PIAS2: variants seen among roughly 807,000 people sequenced by gnomAD.
The protein encoded by PIAS2 is protein inhibitor of activated STAT 2.
Under a neutral mutation model 69.7 loss-of-function variants are expected in PIAS2, and 19 were observed. The observed-to-expected ratio is 0.27, with a 90% CI of 0.19 to 0.40. The LOEUF (loss-of-function observed/expected upper bound fraction) is 0.40, where lower values mean the gene tolerates loss of function less well. PIAS2 is among the 10% of genes least tolerant of loss of function. PIAS2 has a pLI of 1.00. For missense variants in PIAS2, 624 were observed against 757.0 expected (o/e 0.82, Z 2.06); for synonymous variants, 261 against 263.2 (o/e 0.99, Z 0.08).
chr18:46,834,382 A>G (rs916244592), intron 9 of PIAS2, among the ~76,000 whole-genome samples: 2 of 152,234 alleles, frequency 1.3e-5, no homozygotes, highest in Non-Finnish European at 2.9e-5. Flanking sequence ...AGAGAAATTA[A>G]TATCCTCAAT....
At chr18:46,905,601 AAAG>A (rs764973316) in intron 1 of PIAS2, among the ~76,000 whole-genome samples, 36 of 152,268 alleles carry the variant, frequency 2.4e-4, no homozygotes, top group Non-Finnish European at 5.0e-4. Context: ...ATCAAGAAAA[AAAG>A]AAGGCATTTT....
intron 3 of PIAS2, 147 bp from the exon 4 acceptor site, chr18:46,855,762 T>C: frequency 1.5e-6 from 1 of 660,074 alleles, no homozygotes; most frequent in Non-Finnish European, 2.7e-6. Context: ...ATATAAGCCT[T>C]AATGAAATCA....
chr18:46,917,684 CT>C, upstream of PIAS2: 1 of 470,588 alleles, frequency 2.1e-6, no homozygotes, highest in Non-Finnish European at 2.8e-6. Context: ...CAGGTCGTGC[CT>C]TCCCTCCCCG....
intron 2 of PIAS2, among the ~76,000 whole-genome samples, chr18:46,867,917 C>A (rs2049739963): frequency 6.6e-6 from 1 of 152,214 alleles, no homozygotes; most frequent in Non-Finnish European, 1.5e-5. Flanking sequence ...GACACTCATT[C>A]TTGGAACCTA....
At chr18:46,812,734 A>ATGTGACT in intron 13 of PIAS2, 122 bp from the exon 14 acceptor site, 1 of 583,856 alleles carries the variant, frequency 1.7e-6, no homozygotes, top group Non-Finnish European at 3.0e-6. Flanking sequence ...GGGATTTAAA[A>ATGTGACT]ATTGCTCAAA....
At chr18:46,821,696 G>T (rs1261501658) in intron 11 of PIAS2, among the ~76,000 whole-genome samples, 1 of 152,146 alleles carries the variant, frequency 6.6e-6, no homozygotes. Flanking sequence ...TGGCTACCAT[G>T]ATAGCACCTA....
At chr18:46,884,413 C>T (rs1243004012) in intron 2 of PIAS2, among the ~76,000 whole-genome samples, 10 of 151,990 alleles carry the variant, frequency 6.6e-5, no homozygotes, top group African/African-American at 2.4e-4. Flanking sequence ...CCCAGATTCA[C>T]GCCATTCTCC....
At chr18:46,863,258 G>A (rs938857651) in intron 3 of PIAS2, among the ~76,000 whole-genome samples, 2 of 151,998 alleles carry the variant, frequency 1.3e-5, no homozygotes, top group African/African-American at 4.8e-5. Flanking sequence ...CCCCAGTTTG[G>A]AATGATAAAG....
chr18:46,844,711 T>A, intron 7 of PIAS2, 23 bp downstream of exon 7: 1 of 891,192 alleles, frequency 1.1e-6, no homozygotes, highest in Non-Finnish European at 1.6e-6. Flanking sequence ...TTTAAATGCT[T>A]GGTCTTATTA....
intron 2 of PIAS2, among the ~76,000 whole-genome samples, chr18:46,888,281 AAAAG>A (rs2053521280): frequency 6.6e-6 from 1 of 152,126 alleles, no homozygotes; most frequent in African/African-American, 2.4e-5. Flanking sequence ...CCTATGTGGG[AAAAG>A]AAAGACTTAA....
At chr18:46,856,284 G>C (rs1285332210) in intron 3 of PIAS2, among the ~76,000 whole-genome samples, 1 of 151,880 alleles carries the variant, frequency 6.6e-6, no homozygotes, top group African/African-American at 2.4e-5. Flanking sequence ...ACAGGCATGA[G>C]ACACTGCACC....
At chr18:46,862,983 A>G (rs917599652) in intron 3 of PIAS2, among the ~76,000 whole-genome samples, 3 of 152,028 alleles carry the variant, frequency 2.0e-5, no homozygotes, top group African/African-American at 7.2e-5. Flanking sequence ...TGGGATTACA[A>G]GCATGAGCCA....
At chr18:46,819,759 T>C (rs756866084) in intron 12 of PIAS2, among the ~76,000 whole-genome samples, 6 of 152,148 alleles carry the variant, frequency 3.9e-5, no homozygotes, top group Non-Finnish European at 8.8e-5. Flanking sequence ...AAGTCATGAA[T>C]GTACTGGTTC....
Position 46,806,812 on chromosome 18 carries a change from A to C in PIAS2, c.*5621T>G, listed in dbSNP as rs1351039904. ...AAATAAGAGGCATATGCTATTCTAC[A>C]ACACGGTAACACTCTTCGTCACTTA... On this transcript the variant is annotated 3_prime_UTR_variant, in exon 14 of 14. Coordinates refer to ENST00000585916, the MANE Select transcript of PIAS2 (RefSeq NM_004671.5). The C allele has an allele frequency of 1.3e-5, 2 of 152,206 alleles. No homozygotes were observed. Among genetic ancestry groups the C allele is most frequent in the Admixed American group, 6.5e-5 (1 of 15,278 alleles). 9.4% of individuals were successfully genotyped at this position (152,206 alleles called of 1,614,324 possible). A position where few individuals can be genotyped will look rare whatever the true frequency, so the allele number is the denominator to read the frequency against.
chr18:46,881,740 T>C (rs551548209), intron 2 of PIAS2, among the ~76,000 whole-genome samples: 1 of 152,326 alleles, frequency 6.6e-6, no homozygotes, highest in South Asian at 2.1e-4. Flanking sequence ...ATGTGAACAT[T>C]ACCTCCCTAA....
chr18:46,911,264 G>A (rs2057233443), intron 1 of PIAS2, among the ~76,000 whole-genome samples: 1 of 149,682 alleles, frequency 6.7e-6, no homozygotes. Context: ...CACCCAGCCT[G>A]GAGTGCAATG....
upstream of PIAS2, chr18:46,917,772 G>A (rs543631087): frequency 2.9e-4 from 48 of 164,766 alleles, no homozygotes; most frequent in Non-Finnish European, 4.5e-4. Context: ...GGGAAGTGGC[G>A]GGGAGGAAGA....
At position 46,812,438 on chromosome 18, in the gene PIAS2, C is replaced by T. The variant is rs776146952; in HGVS notation, c.1861G>A (p.Asp621Asn). 4.0e-5 allele frequency: 64 copies of T among 1,604,052 alleles called. No individual in the cohort carries two copies. Among genetic ancestry groups the T allele is most frequent in the Middle Eastern group, 3.3e-4 (2 of 6,060 alleles). ...GSNIPDIISL[D>N] is the part of the protein sequence containing the mutation. ...AGAATCAAGTGAGTCCTCCTTTAGT[C>T]CAATGAGATGATGTCAGGAATGTTA... The change falls in exon 14 of 14, where the codon GAC (aspartate) becomes AAC (asparagine). Residue 621 changes from aspartate to asparagine, a missense_variant. Physicochemically the swap from Asp to Asn is conservative, Grantham distance 23. Transcript: ENST00000585916.
rs1398010877 is a variant in PIAS2 at position 46,811,156 on chromosome 18, G to A, written c.*1277C>T. 1 of 151,858 alleles carries A rather than the reference G, an allele frequency of 6.6e-6. No individual in the cohort carries two copies. The highest frequency in any genetic ancestry group is 2.4e-5 in the African/African-American group (1 of 41,308). 9.4% of individuals were successfully genotyped at this position (151,858 alleles called of 1,614,324 possible). On this transcript the variant is annotated 3_prime_UTR_variant, in exon 14 of 14. Transcript: ENST00000585916. The stretch of plus-strand genomic sequence containing the variant: ...GTTTGGGGTAGCATGGATTGAGACA[G>A]GAAGTGGGTTCAGGCCCATCTCCCC...
Sources: gnomAD v4.1 joint callset for allele counts (sites outside exome capture counted in the v4.1 genomes callset) on GRCh38, gnomAD v4.1.1 for gene constraint, MANE v1.5 for transcripts, NCBI Gene and HGNC (gene_info 2026-07-23, HGNC 2026-07-21) for gene names.